TERT: variants seen among roughly 807,000 people sequenced by gnomAD.
TERT encodes telomerase reverse transcriptase, also known as telomerase catalytic subunit.
In TERT, 42 loss-of-function variants were observed where a neutral mutation model predicts 104.0. The ratio of observed to expected loss-of-function variants is 0.40; its 90% CI spans 0.32 to 0.52. TERT has a LOEUF of 0.52. TERT is among the 20% of genes least tolerant of loss of function. The pLI is 0.43. For missense variants in TERT, 1,101 were observed against 1,610.3 expected, an observed-to-expected ratio of 0.68 and a Z score of 5.41; for synonymous variants, 781 against 725.6, an observed-to-expected ratio of 1.08 and a Z score of -1.23.
chr5:1,256,093 T>C lies in TERT; in HGVS notation c.3033-682A>G, dbSNP rs536745012. Among the ~76,000 whole-genome samples the C allele has an allele frequency of 3.2e-4, 49 of 152,122 alleles. No individual in the cohort carries two copies. Among genetic ancestry groups the C allele is most frequent in the Admixed American group, 6.5e-4 (10 of 15,274 alleles). The stretch of plus-strand genomic sequence containing the variant: ...TGGTGCAATCTCAGCTCACTGCAGC[T>C]TCCACCTCCTGGGCTCAAGTGATCC... On this transcript the variant is annotated intron_variant, in intron 13 of 15. Transcript: ENST00000310581. This position sits in a 1 kb window ranked among gnomAD's most constrained non-coding sequence, Gnocchi z 7.0.
At chr5:1,254,232 C>G in intron 15 of TERT, 136 bp downstream of exon 15, 1 of 1,186,310 alleles carries the variant, frequency 8.4e-7, no homozygotes, top group African/African-American at 1.5e-5. Context: ...GGGCTGCCAG[C>G]GTGGCTCCAG....
Position 1,294,092 on chromosome 5 carries a change from G to A in TERT, c.794C>T (p.Pro265Leu), listed in dbSNP as rs890272771. The A allele has an allele frequency of 1.3e-6, 2 of 1,589,524 alleles. No individual in the cohort carries two copies. Among genetic ancestry groups the A allele is most frequent in the Non-Finnish European group, 1.7e-6 (2 of 1,170,456 alleles). ...CACCACACAGAAACCACGGTCACTC[G>A]GTCCACGCGTCCTGCCCGGGTGGGC... ...SWAHPGRTRG[P>L]SDRGFCVVSP... is the part of the protein sequence containing the mutation. The change falls in exon 2 of 16, where the codon CCG becomes CTG. Residue 265 changes from proline to leucine, a missense_variant. By Grantham distance (98) the Pro-to-Leu change is moderately conservative. Coordinates refer to ENST00000310581, the MANE Select transcript of TERT (RefSeq NM_198253.3).
At position 1,263,182 on chromosome 5, in the gene TERT, C is replaced by G. The variant is rs1748353710; in HGVS notation, c.2843+1222G>C. On this transcript the variant is annotated intron_variant, in intron 11 of 15. Transcript: ENST00000310581. The surrounding 1 kb of genome is among the most constrained non-coding windows in gnomAD (Gnocchi z 5.3). ...CATGAAGCAAACCCCAGGGAGCATT[C>G]TGGAAAGAGGCAAAGTCCAGATCTG... 6.6e-6 allele frequency among the ~76,000 whole-genome samples: 1 copy of G among 152,218 alleles called. No homozygotes were observed. The highest frequency in any genetic ancestry group is 6.5e-5 in the Admixed American group (1 of 15,284).
intron 3 of TERT, 31 bp downstream of exon 3, chr5:1,282,398 G>A (rs1750079340): frequency 6.2e-7 from 1 of 1,610,520 alleles, no homozygotes; most frequent in South Asian, 1.1e-5. Flanking sequence ...AGGACTTCGA[G>A]AAGCAGAGGC....
At chr5:1,278,511 C>T in intron 6 of TERT, 130 bp downstream of exon 6, 2 of 1,310,862 alleles carry the variant, frequency 1.5e-6, no homozygotes, top group Admixed American at 1.7e-5. Flanking sequence ...GCCACACACG[C>T]ATATCACAGA....
chr5:1,262,363 G>A lies in TERT; in HGVS notation c.2844-1763C>T, dbSNP rs540475421. On this transcript the variant is annotated intron_variant, in intron 11 of 15. Coordinates refer to ENST00000310581, the MANE Select transcript of TERT (RefSeq NM_198253.3). This position sits in a 1 kb window ranked among gnomAD's most constrained non-coding sequence, Gnocchi z 5.6. ...TTTTGTTCTATTGTTCTGTCCATCA[G>A]TTCTGACCACATTCTACCATCTGAG... 6.6e-6 allele frequency among the ~76,000 whole-genome samples: 1 copy of A among 152,284 alleles called. No individual in the cohort carries two copies. The highest frequency in any genetic ancestry group is 2.1e-4 in the South Asian group (1 of 4,830).
chr5:1,272,303 G>A, intron 6 of TERT, 23 bp from the exon 7 acceptor site: 1 of 1,598,900 alleles, frequency 6.3e-7, no homozygotes, highest in Non-Finnish European at 8.5e-7. Context: ...GAGAGGGCAT[G>A]AGCCACAAAT....
Position 1,256,881 on chromosome 5 carries a change from A to G in TERT, c.3033-1470T>C, listed in dbSNP as rs552004882. ...GGGCGTCCACCCCAAGCCCGTGTGG[A>G]GGCGCGGCCAGCACGGGCCAGGAAG... On this transcript the variant is annotated intron_variant, in intron 13 of 15. Coordinates refer to ENST00000310581, the MANE Select transcript of TERT (RefSeq NM_198253.3). This position sits in a 1 kb window ranked among gnomAD's most constrained non-coding sequence, Gnocchi z 7.0. Among the ~76,000 whole-genome samples, 14 of 152,210 alleles carry G rather than the reference A, an allele frequency of 9.2e-5. No individual in the cohort carries two copies. Among genetic ancestry groups the G allele is most frequent in the African/African-American group, 3.4e-4 (14 of 41,550 alleles).
Position 1,262,350 on chromosome 5 carries a change from G to A in TERT, c.2844-1750C>T, listed in dbSNP as rs1252796541. Among the ~76,000 whole-genome samples, 5 of 152,158 alleles carry A rather than the reference G, an allele frequency of 3.3e-5. No homozygotes were observed. The highest frequency in any genetic ancestry group is 7.3e-5 in the Non-Finnish European group (5 of 68,040). The stretch of plus-strand genomic sequence containing the variant: ...GATAGGGCTTCCGTTTTGTTCTATT[G>A]TTCTGTCCATCAGTTCTGACCACAT... On this transcript the variant is annotated intron_variant, in intron 11 of 15. Coordinates refer to ENST00000310581, the MANE Select transcript of TERT (RefSeq NM_198253.3). This position sits in a 1 kb window ranked among gnomAD's most constrained non-coding sequence, Gnocchi z 5.6.
chr5:1,284,483 T>G (rs1232292069), intron 2 of TERT, among the ~76,000 whole-genome samples: 8 of 106,884 alleles, frequency 7.5e-5, no homozygotes, highest in Admixed American at 1.9e-4. Flanking sequence ...ACTCCATACA[T>G]CCAGCTCACC....
rs1409776423 is a variant in TERT at position 1,255,512 on chromosome 5, G to A, written c.3033-101C>T. ...CCGGTGCCTGTGTGCGTGCATGAAT[G>A]CACATGCATGGGTTTCCTCATGGGC... is the stretch of plus-strand genomic sequence containing the variant. On this transcript the variant is annotated intron_variant, in intron 13 of 15. Coordinates refer to ENST00000310581, the MANE Select transcript of TERT (RefSeq NM_198253.3). The surrounding 1 kb of genome is among the most constrained non-coding windows in gnomAD (Gnocchi z 6.9). 9.5e-6 allele frequency: 14 copies of A among 1,468,126 alleles called. No individual in the cohort carries two copies. The highest frequency in any genetic ancestry group is 1.3e-5 in the Non-Finnish European group (14 of 1,055,488). The allele number at this position is 1,468,126 out of a possible 1,614,324, so 90.9% of individuals were successfully genotyped here.
At chr5:1,259,482 GCGGACGCCCACAGGAGGGGGGAGTGGACA>G (rs1748032177) in intron 12 of TERT, among the ~76,000 whole-genome samples, 1 of 121,030 alleles carries the variant, frequency 8.3e-6, no homozygotes, top group South Asian at 3.2e-4. Flanking sequence ...GGGAGTGGAC[GCGGACGCCCACAGGAGGGGGGAGTGGACA>G]CGGACGCCCA....
At position 1,274,008 on chromosome 5, in the gene TERT, G is replaced by A. The variant is rs181504747; in HGVS notation, c.2287-1728C>T. On this transcript the variant is annotated intron_variant, in intron 6 of 15. Coordinates refer to ENST00000310581, the MANE Select transcript of TERT (RefSeq NM_198253.3). This position sits in a 1 kb window ranked among gnomAD's most constrained non-coding sequence, Gnocchi z 5.3. ...CCTATTCTGCAGACTCCCCCAGGAC[G>A]CTTGTCATTTACTACGGGACCTGCT... Among the ~76,000 whole-genome samples, 11 of 152,316 alleles carry A rather than the reference G, an allele frequency of 7.2e-5. No homozygotes were observed. The East Asian group carries it at 1.9e-3, about 27-fold the overall frequency.
Position 1,260,488 on chromosome 5 carries a change from A to G in TERT, c.2956T>C (p.Phe986Leu), listed in dbSNP as rs1401975906. 1 of 1,614,110 alleles carries G rather than the reference A, an allele frequency of 6.2e-7. No individual in the cohort carries two copies. Among genetic ancestry groups the G allele is most frequent in the Non-Finnish European group, 8.5e-7 (1 of 1,179,978 alleles). ...AGCCTGCTCACCTGCAAATCCAGAA[A>G]CAGGCTGTGACACTTCAGCCGCAAG... ...GVLRLKCHSL[F>L]LDLQVNSLQT... Residue 986 changes from phenylalanine (F) to leucine (L), a missense_variant, in exon 12 of 16, where the codon TTT (phenylalanine) becomes CTT (leucine). By Grantham distance (22) the Phe-to-Leu change is conservative (BLOSUM62 0). Coordinates refer to ENST00000310581, the MANE Select transcript of TERT (RefSeq NM_198253.3).
rs958041159 is a variant in TERT at position 1,270,963 on chromosome 5, G to A, written c.2468+156C>T. On this transcript the variant is annotated intron_variant, in intron 8 of 15. Transcript: ENST00000310581. The surrounding 1 kb of genome is among the most constrained non-coding windows in gnomAD (Gnocchi z 8.3). ...CATGTTTCCGGGGCCTCGGGAGCCTGCAGCCCAGGAGCCGGAGGGGGCGGG... is the reference window on the plus strand; with the variant it reads ...CATGTTTCCGGGGCCTCGGGAGCCTACAGCCCAGGAGCCGGAGGGGGCGGG... Among the ~76,000 whole-genome samples, 1 of 152,228 alleles carries A rather than the reference G, an allele frequency of 6.6e-6. No homozygotes were observed. The highest frequency in any genetic ancestry group is 2.4e-5 in the African/African-American group (1 of 41,462).
At position 1,294,445 on chromosome 5, in the gene TERT, G is replaced by A. The variant is rs771765361; in HGVS notation, c.441C>T (p.Asp147=). 11 of 1,592,358 alleles carry A rather than the reference G, an allele frequency of 6.9e-6. No individual in the cohort carries two copies. The South Asian group carries it at 1.1e-4, about 16-fold the overall frequency. Residue 147 remains aspartate, a synonymous_variant, in exon 2 of 16, where the codon GAC becomes GAT. Transcript: ENST00000310581. ...AGCGTGCCAGCAGGTGAACCAGCAC[G>A]TCGTCGCCCACGCGGCGCAGCAGCA... The part of the protein sequence containing the change: ...WGLLLRRVGD[D]VLVHLLARCA...
chr5:1,272,834 C>CTGTG, intron 6 of TERT, among the ~76,000 whole-genome samples: 1 of 1,252 alleles, frequency 8.0e-4, no homozygotes, highest in South Asian at 0.023. Context: ...CATCAGACCC[C>CTGTG]ACGACCGCCA....
intron 2 of TERT, among the ~76,000 whole-genome samples, chr5:1,291,684 GGCCGCGCCTCACTCACCCTAC>G (rs1750991507): frequency 1.3e-5 from 2 of 148,516 alleles, no homozygotes; most frequent in African/African-American, 5.0e-5. Context: ...GACACCCGGG[GGCCGCGCCTCACTCACCCTAC>G]ACGTGACAGG....
rs1748762166 is a variant in TERT at position 1,268,333 on chromosome 5, G to A, written c.2582+187C>T. ...CATGGCCGCTGGACAGAGCCTGCGT[G>A]GAGCCCGCAGTCCTCAGGCTGTGCA... is the stretch of plus-strand genomic sequence containing the variant. On this transcript the variant is annotated intron_variant, in intron 9 of 15. Coordinates refer to ENST00000310581, the MANE Select transcript of TERT (RefSeq NM_198253.3). The surrounding 1 kb of genome is among the most constrained non-coding windows in gnomAD (Gnocchi z 5.5). Among the ~76,000 whole-genome samples, 1 of 152,256 alleles carries A rather than the reference G, an allele frequency of 6.6e-6. No individual in the cohort carries two copies. The highest frequency in any genetic ancestry group is 1.5e-5 in the Non-Finnish European group (1 of 68,038).
Sources: gnomAD v4.1 joint callset for allele counts (sites outside exome capture counted in the v4.1 genomes callset) on GRCh38, gnomAD v4.1.1 for gene constraint, Gnocchi (gnomAD v3.1) non-coding constraint, MANE v1.5 for transcripts, NCBI Gene and HGNC (gene_info 2026-07-23, HGNC 2026-07-21) for gene names.